The following EYS variants were observed in gnomAD, a reference collection of about 807,000 sequenced individuals.
EYS encodes protein eyes shut homolog.
EYS carries 250 observed loss-of-function variants against 282.1 expected under a neutral mutation model. The ratio of observed to expected loss-of-function variants is 0.89; its 90% CI spans 0.80 to 0.98. EYS has a LOEUF of 0.98. Ranked by LOEUF, EYS falls within the 50% of genes least tolerant of loss-of-function variation. The probability of loss-of-function intolerance (pLI) is 0.00; values close to 1 mark genes in which losing one functional copy is unlikely to be tolerated. For synonymous variants in EYS, 1,355 were observed against 1,282.9 expected, an observed-to-expected ratio of 1.06 and a Z score of -1.20; for missense variants, 4,016 against 3,709.0, an observed-to-expected ratio of 1.08 and a Z score of -2.15.
At chr6:64,899,684 A>T (rs1767589931) in intron 18 of EYS, among the ~76,000 whole-genome samples, 1 of 152,104 alleles carries the variant, frequency 6.6e-6, no homozygotes, top group African/African-American at 2.4e-5. Flanking sequence ...TGATTGATGA[A>T]CCTCTTCAAG....
At chr6:64,334,740 G>A (rs614411) in intron 29 of EYS, among the ~76,000 whole-genome samples, 109,052 of 151,984 alleles carry the variant, frequency 0.72, 39,327 homozygotes, top group African/African-American at 0.79. Context: ...TTTGTGGAAA[G>A]CTTAATTCAA....
chr6:65,001,592 GT>G lies in EYS; in HGVS notation c.2138-3890del, dbSNP rs1273589183. On this transcript the variant is annotated intron_variant, in intron 13 of 42. Transcript: ENST00000503581. ...TTTGGGTGGAAAAACAGGAATGCCTGTTCTCATTTATGGCTACGGGTATCCA... is the reference window on the plus strand; with the variant it reads ...TTTGGGTGGAAAAACAGGAATGCCTGTCTCATTTATGGCTACGGGTATCCA... 2.7e-5 allele frequency among the ~76,000 whole-genome samples: 4 copies of G among 147,956 alleles called. 1 individual carries two copies. The highest frequency in any genetic ancestry group is 6.1e-5 in the Non-Finnish European group (4 of 66,108).
chr6:64,533,307 T>C (rs1764412845), intron 26 of EYS, among the ~76,000 whole-genome samples: 1 of 152,192 alleles, frequency 6.6e-6, no homozygotes, highest in Admixed American at 6.5e-5. Flanking sequence ...AAGTATGTAG[T>C]AATCATTTTC....
At chr6:65,515,380 TGGTGATACCTCA>T (rs1405229618) in intron 2 of EYS, among the ~76,000 whole-genome samples, 1 of 152,190 alleles carries the variant, frequency 6.6e-6, no homozygotes, top group African/African-American at 2.4e-5. Flanking sequence ...GAAGTTGGTG[TGGTGATACCTCA>T]GGGATCTAGA....
At chr6:65,017,042 G>T (rs565583078) in intron 13 of EYS, among the ~76,000 whole-genome samples, 3 of 152,220 alleles carry the variant, frequency 2.0e-5, no homozygotes, top group African/African-American at 7.2e-5. Flanking sequence ...TCTGAGTGAT[G>T]AATTTTATGG....
At chr6:64,641,141 T>C (rs1768136074) in intron 22 of EYS, among the ~76,000 whole-genome samples, 1 of 152,146 alleles carries the variant, frequency 6.6e-6, no homozygotes, top group Non-Finnish European at 1.5e-5. Flanking sequence ...AAGAAACAGG[T>C]TTAATTGGAC....
intron 40 of EYS, among the ~76,000 whole-genome samples, chr6:63,773,121 G>C (rs1480255846): frequency 6.6e-6 from 1 of 152,030 alleles, no homozygotes; most frequent in East Asian, 1.9e-4. Context: ...GAACATTTGA[G>C]CAGTTTCCAG....
intron 22 of EYS, among the ~76,000 whole-genome samples, chr6:64,783,357 T>C (rs1449720020): frequency 6.6e-6 from 1 of 151,146 alleles, no homozygotes; most frequent in Non-Finnish European, 1.5e-5. Context: ...TATACATATA[T>C]ACATATTATA....
At chr6:65,322,070 C>T (rs1769490464) in intron 11 of EYS, among the ~76,000 whole-genome samples, 1 of 152,130 alleles carries the variant, frequency 6.6e-6, no homozygotes, top group African/African-American at 2.4e-5. Flanking sequence ...GATGGAGACG[C>T]TTAGCCTAAT....
Position 65,244,529 on chromosome 6 carries a change from T to C in EYS, c.2023+51334A>G, listed in dbSNP as rs73441401. On this transcript the variant is annotated intron_variant, in intron 12 of 42. Transcript: ENST00000503581. ...ATTTATTTATTTATTTATTTATTAT[T>C]TGAGACCAAGTCTCGCTCTGTCGCC... Among the ~76,000 whole-genome samples, 78 of 152,126 alleles carry C rather than the reference T, an allele frequency of 5.1e-4. No individual in the cohort carries two copies. In the East Asian group the frequency reaches 0.013, roughly 25 times the overall value.
intron 1 of EYS, among the ~76,000 whole-genome samples, chr6:65,687,287 C>A (rs1434425191): frequency 6.6e-6 from 1 of 151,936 alleles, no homozygotes; most frequent in African/African-American, 2.4e-5. Flanking sequence ...AGAAAAAAGA[C>A]AAACTCAAGA....
At chr6:63,777,919 T>C (rs1770105654) in intron 40 of EYS, 87 bp downstream of exon 40, 8 of 1,220,976 alleles carry the variant, frequency 6.6e-6, no homozygotes, top group South Asian at 1.3e-5. Context: ...TTTGTGTTCC[T>C]AGTTTGTACA....
intron 22 of EYS, among the ~76,000 whole-genome samples, chr6:64,651,484 T>A (rs1303366237): frequency 6.6e-6 from 1 of 151,974 alleles, no homozygotes; most frequent in East Asian, 1.9e-4. Context: ...GTAAAATAAA[T>A]GAGGAAGGGA....
At chr6:63,736,132 T>G (rs1288913274) in intron 41 of EYS, among the ~76,000 whole-genome samples, 1 of 152,214 alleles carries the variant, frequency 6.6e-6, no homozygotes, top group African/African-American at 2.4e-5. Flanking sequence ...GCCATTGCTT[T>G]TGGTGTTTTA....
intron 22 of EYS, among the ~76,000 whole-genome samples, chr6:64,711,780 C>T (rs1411166710): frequency 4.6e-5 from 7 of 152,156 alleles, no homozygotes; most frequent in Non-Finnish European, 7.3e-5. Flanking sequence ...TGCGCCCCTC[C>T]GAAGTCAGGT....
intron 8 of EYS, among the ~76,000 whole-genome samples, chr6:65,375,948 A>G (rs534194765): frequency 6.6e-6 from 1 of 152,238 alleles, no homozygotes; most frequent in East Asian, 1.9e-4. Flanking sequence ...AAGTTGGAAA[A>G]CACTTCAGGA....
intron 22 of EYS, among the ~76,000 whole-genome samples, chr6:64,705,333 TAAAC>T (rs151074105): frequency 0.013 from 2,020 of 152,104 alleles, 45 homozygotes; most frequent in African/African-American, 0.046. Flanking sequence ...AAATCATAGA[TAAAC>T]AAACAGAGAC....
chr6:64,303,840 CAAAAAA>C (rs149728709), intron 30 of EYS, among the ~76,000 whole-genome samples: 16 of 78,228 alleles, frequency 2.0e-4, no homozygotes, highest in African/African-American at 7.7e-4. Context: ...AACTCCGTCT[CAAAAAA>C]AAAAAAAAAA....
rs1038343097 is a variant in EYS at position 65,313,344 on chromosome 6, C to T, written c.1767-17225G>A. ...GAGGGTTTAGAGTAAAGAAGTGACC[C>T]GATACATGCGTGATTAACACATGCT... On this transcript the variant is annotated intron_variant, in intron 11 of 42. Coordinates refer to ENST00000503581, the MANE Select transcript of EYS (RefSeq NM_001142800.2). Among the ~76,000 whole-genome samples the T allele has an allele frequency of 1.3e-4, 20 of 151,470 alleles. No homozygotes were observed. The South Asian group carries it at 1.7e-3, about 13-fold the overall frequency.
Sources: allele counts gnomAD v4.1 joint callset (sites outside exome capture counted in the v4.1 genomes callset), GRCh38; gene constraint gnomAD v4.1.1; transcripts MANE v1.5; gene names NCBI Gene and HGNC (gene_info 2026-07-23, HGNC 2026-07-21).